VIL1: variants seen among roughly 807,000 people sequenced by gnomAD.
VIL1 encodes the protein villin-1.
In VIL1, 86 loss-of-function variants were observed where a neutral mutation model predicts 104.0. The ratio of observed to expected loss-of-function variants is 0.83; its 90% CI spans 0.69 to 0.99. The LOEUF is 0.99. VIL1 is among the 50% of genes least tolerant of loss of function. The pLI is 0.00. For synonymous variants in VIL1, 394 were observed against 412.6 expected (o/e 0.95, Z 0.55); for missense variants, 944 against 1,054.1 (o/e 0.90, Z 1.45).
At chr2:218,424,375 GC>G (rs1559144943) in intron 3 of VIL1, 24 bp downstream of exon 3, 2 of 1,611,360 alleles carry the variant, frequency 1.2e-6, no homozygotes. Context: ...AGGGGAGGGG[GC>G]TGAGCAGAGA....
At chr2:218,447,791 A>C (rs1270388529) in intron 19 of VIL1, among the ~76,000 whole-genome samples, 1 of 149,000 alleles carries the variant, frequency 6.7e-6, no homozygotes, top group Non-Finnish European at 1.5e-5. Context: ...ACAGTGGCAC[A>C]ATCTCAGCTC....
intron 9 of VIL1, 150 bp downstream of exon 9, chr2:218,430,097 G>A: frequency 2.7e-6 from 2 of 741,406 alleles, no homozygotes; most frequent in Non-Finnish European, 4.4e-6. Flanking sequence ...GATGAGGGCT[G>A]GGCCCGGCCC....
chr2:218,429,822 T>A (rs1241283745), intron 8 of VIL1, 27 bp from the exon 9 acceptor site: 3 of 1,605,852 alleles, frequency 1.9e-6, no homozygotes, highest in Admixed American at 3.3e-5. Flanking sequence ...TCCAGCTCCA[T>A]CAGACTCTTA....
At chr2:218,444,562 G>A (rs893680107) in intron 19 of VIL1, among the ~76,000 whole-genome samples, 22 of 152,252 alleles carry the variant, frequency 1.4e-4, no homozygotes, top group African/African-American at 5.3e-4. Flanking sequence ...ACAGGCGTGA[G>A]CCACCGTGCC....
At position 218,425,618 on chromosome 2, in the gene VIL1, C is replaced by T. The variant is rs767379764; in HGVS notation, c.154C>T (p.His52Tyr). The T allele has an allele frequency of 3.7e-6, 6 of 1,614,080 alleles. No homozygotes were observed. Among genetic ancestry groups the T allele is most frequent in the African/African-American group, 2.7e-5 (2 of 75,042 alleles). ...DGDCYIILAI[H>Y]KTASSLSYDI... is the part of the protein sequence containing the mutation. Reference sequence around the variant, plus strand: ...ACACTGGACACCTTTTCCCTAGATCCACAAGACAGCCAGCAGCCTGTCCTA... The same window carrying T: ...ACACTGGACACCTTTTCCCTAGATCTACAAGACAGCCAGCAGCCTGTCCTA... Residue 52 changes from histidine (H) to tyrosine (Y), a missense_variant, in exon 4 of 20, where the codon CAC (histidine) becomes TAC (tyrosine). Coordinates refer to ENST00000248444, the MANE Select transcript of VIL1 (RefSeq NM_007127.3).
Position 218,424,880 on chromosome 2 carries a change from G to A in VIL1, c.150+529G>A, listed in dbSNP as rs528269651. On this transcript the variant is annotated intron_variant, in intron 3 of 19. Transcript: ENST00000248444. ...TCACCATGTTGATCAGGCTGGTTTC[G>A]AACTCTTGACCTCAGGTGATCCACT... Among the ~76,000 whole-genome samples, 4 of 151,996 alleles carry A rather than the reference G, an allele frequency of 2.6e-5. No individual in the cohort carries two copies. In the South Asian group the frequency reaches 6.2e-4, roughly 24 times the overall value.
chr2:218,431,984 T>G, intron 11 of VIL1, 27 bp downstream of exon 11: 3 of 1,614,046 alleles, frequency 1.9e-6, no homozygotes, highest in Non-Finnish European at 2.5e-6. Context: ...AGGCCCGTGC[T>G]GGGTGGAGCA....
intron 5 of VIL1, 61 bp from the exon 6 acceptor site, chr2:218,428,166 C>G: frequency 6.3e-7 from 1 of 1,599,136 alleles, no homozygotes; most frequent in Non-Finnish European, 8.6e-7. Context: ...GAGGGATGGC[C>G]AAGATGATGG....
chr2:218,452,750 T>C lies in VIL1; in HGVS notation c.*3414T>C, dbSNP rs1372118593. ...CAATCTAGACTTATGGCATTATTTC[T>C]ACTTTTCTCCATGTTTTAATTGCAG... On this transcript the variant is annotated 3_prime_UTR_variant, in exon 20 of 20. Transcript: ENST00000248444. 3 of 152,256 alleles carry C rather than the reference T, an allele frequency of 2.0e-5. No homozygotes were observed. Among genetic ancestry groups the C allele is most frequent in the African/African-American group, 4.8e-5 (2 of 41,472 alleles). The allele number at this position is 152,256 out of a possible 1,614,324, so 9.4% of individuals were successfully genotyped here.
intron 18 of VIL1, 130 bp from the exon 19 acceptor site, chr2:218,440,592 G>A: frequency 1.9e-6 from 2 of 1,066,140 alleles, no homozygotes; most frequent in Admixed American, 4.2e-5. Context: ...ATGAGTGTGT[G>A]TGTGGCAGGG....
chr2:218,447,369 G>A (rs866222539), intron 19 of VIL1, among the ~76,000 whole-genome samples: 2 of 152,298 alleles, frequency 1.3e-5, no homozygotes, highest in South Asian at 2.1e-4. Flanking sequence ...TCAGGCTGGA[G>A]TACAATGGCA....
In VIL1 at chr2:218,429,923, G is replaced by A. The variant is rs755221439; in HGVS notation, c.924G>A (p.Lys308=). The A allele has an allele frequency of 6.2e-7, 1 of 1,602,022 alleles. No individual in the cohort carries two copies. Among genetic ancestry groups the A allele is most frequent in the Non-Finnish European group, 8.5e-7 (1 of 1,172,714 alleles). ...GGAAGAAAGCCAATGAGCAGGAGAA[G>A]AAGGGAGCCATGAGCCATGCGCTGG... ...WKGKKANEQE[K]KGAMSHALNF... The change falls in exon 9 of 20, where the codon AAG becomes AAA. Residue 308 remains lysine (K), a synonymous_variant. Transcript: ENST00000248444.
chr2:218,434,806 A>C, intron 14 of VIL1, 101 bp downstream of exon 14: 1 of 1,291,446 alleles, frequency 7.7e-7, no homozygotes, highest in Non-Finnish European at 1.1e-6. Context: ...CTGGCCAACT[A>C]AGTTGTGCCT....
At chr2:218,445,817 A>G (rs914980308) in intron 19 of VIL1, among the ~76,000 whole-genome samples, 9 of 152,144 alleles carry the variant, frequency 5.9e-5, no homozygotes, top group African/African-American at 2.2e-4. Flanking sequence ...GAGGGTATTT[A>G]GCTTGCCTTA....
Position 218,425,708 on chromosome 2 carries a change from A to G in VIL1, c.244A>G (p.Thr82Ala), listed in dbSNP as rs771720309. 4 of 1,614,092 alleles carry G rather than the reference A, an allele frequency of 2.5e-6. No individual in the cohort carries two copies. Among genetic ancestry groups the G allele is most frequent in the Non-Finnish European group, 3.4e-6 (4 of 1,180,010 alleles). Reference protein sequence around the residue: ...LDEQGAAAIYTTQMDDFLKGR... With the variant: ...LDEQGAAAIYATQMDDFLKGR... ...TGAGCAGGGGGCAGCTGCCATCTAC[A>G]CCACACAGATGGATGACTTCCTGAA... Residue 82 changes from threonine to alanine, a missense_variant, in exon 4 of 20, where the codon ACC (threonine) becomes GCC (alanine). Thr to Ala is a moderately conservative substitution (Grantham distance 58). Coordinates refer to ENST00000248444, the MANE Select transcript of VIL1 (RefSeq NM_007127.3).
intron 19 of VIL1, among the ~76,000 whole-genome samples, chr2:218,444,680 G>A (rs942254304): frequency 6.6e-6 from 1 of 152,158 alleles, no homozygotes; most frequent in East Asian, 1.9e-4. Context: ...AGATCTCTCT[G>A]TCTGCTCCAA....
At chr2:218,427,878 C>T (rs1689029504) in intron 4 of VIL1, 87 bp from the exon 5 acceptor site, 1 of 1,306,910 alleles carries the variant, frequency 7.7e-7, no homozygotes, top group Non-Finnish European at 1.1e-6. Flanking sequence ...CTCACGTGAC[C>T]CCAGCGTGGC....
chr2:218,419,193 T>A (rs939812027), intron 1 of VIL1, 25 bp downstream of exon 1: 7 of 152,234 alleles, frequency 4.6e-5, no homozygotes, highest in African/African-American at 7.2e-5. Flanking sequence ...TGGGAACACA[T>A]GGAGACCTTA....
At chr2:218,432,476 G>A in intron 12 of VIL1, 1 of 691,790 alleles carries the variant, frequency 1.4e-6, no homozygotes, top group East Asian at 2.8e-5. Context: ...GTGTGTCTAG[G>A]ACTGAGTGGT....
Sources: allele counts gnomAD v4.1 joint callset (sites outside exome capture counted in the v4.1 genomes callset), GRCh38; gene constraint gnomAD v4.1.1; transcripts MANE v1.5; gene names NCBI Gene and HGNC (gene_info 2026-07-23, HGNC 2026-07-21).